WNK1: variants seen among roughly 807,000 people sequenced by gnomAD.
WNK1 encodes WNK lysine deficient protein kinase 1.
Under a neutral mutation model 222.8 loss-of-function variants are expected in WNK1, and 38 were observed. That is an observed-to-expected ratio of 0.17 (90% confidence interval 0.13 to 0.22). WNK1 has a LOEUF of 0.22. Among genes scored for constraint, WNK1 ranks in the 10% least tolerant of loss-of-function variants. WNK1 has a pLI of 1.00. For missense variants in WNK1, 2,348 were observed against 2,918.4 expected (o/e 0.80, Z 4.50); for synonymous variants, 1,090 against 1,092.9 (o/e 1.00, Z 0.05).
chr12:771,427 T>A (rs1414918146), intron 1 of WNK1, among the ~76,000 whole-genome samples: 1 of 152,198 alleles, frequency 6.6e-6, no homozygotes, highest in Non-Finnish European at 1.5e-5. Context: ...CTCTTGCTTA[T>A]GAAAGATAAA....
At chr12:761,669 A>G (rs1309315422) in intron 1 of WNK1, among the ~76,000 whole-genome samples, 1 of 147,866 alleles carries the variant, frequency 6.8e-6, no homozygotes, top group African/African-American at 2.4e-5. Flanking sequence ...CTGTTACTAG[A>G]TAGAGATTAA....
At position 911,343 on chromosome 12, in the gene WNK1, T is replaced by TAA. The variant is rs1555166395; in HGVS notation, c.*2552_*2553dup. ...CAGCCGTTAATTGTACATTTTGCACTAACTCTGGGTGTTGCGCTTCTTGTA... is the reference window on the plus strand; with the variant it reads ...CAGCCGTTAATTGTACATTTTGCACTAAAACTCTGGGTGTTGCGCTTCTTGTA... On this transcript the variant is annotated 3_prime_UTR_variant, in exon 28 of 28. Transcript: ENST00000315939. 2.5e-5 allele frequency: 10 copies of TAA among 398,656 alleles called. No homozygotes were observed. The highest frequency in any genetic ancestry group is 4.4e-5 in the Admixed American group (1 of 22,742). The allele number at this position is 398,656 out of a possible 1,614,324, so 24.7% of individuals were successfully genotyped here. A position where few individuals can be genotyped will look rare whatever the true frequency, so the allele number is the denominator to read the frequency against.
Position 910,836 on chromosome 12 carries a change from A to C in WNK1, c.*2044A>C, listed in dbSNP as rs1467321062. On this transcript the variant is annotated 3_prime_UTR_variant, in exon 28 of 28. Transcript: ENST00000315939. The stretch of plus-strand genomic sequence containing the variant: ...TGCAAATGAGAGCTGAAGGTTTTTA[A>C]AAGGTAGAAAGGAAAAGGGCAAGGG... The C allele has an allele frequency of 1.3e-5, 2 of 152,748 alleles. No individual in the cohort carries two copies. The highest frequency in any genetic ancestry group is 1.5e-5 in the Non-Finnish European group (1 of 68,450). 9.5% of individuals were successfully genotyped at this position (152,748 alleles called of 1,614,324 possible). A position where few individuals can be genotyped will look rare whatever the true frequency, so the allele number is the denominator to read the frequency against.
Position 880,784 on chromosome 12 carries a change from G to A in WNK1, c.2896G>A (p.Val966Met), listed in dbSNP as rs886042915. The A allele has an allele frequency of 3.7e-6, 6 of 1,613,878 alleles. No homozygotes were observed. Among genetic ancestry groups the A allele is most frequent in the South Asian group, 2.2e-5 (2 of 91,052 alleles). The change falls in exon 12 of 28, where the codon GTG becomes ATG. Residue 966 changes from valine to methionine, a missense_variant. By Grantham distance (21) the Val-to-Met change is conservative. This residue lies in a region of WNK1 where 547 missense variants were observed against 558.3 expected (regional missense o/e 0.98). Coordinates refer to ENST00000315939, the MANE Select transcript of WNK1 (RefSeq NM_018979.4). The part of the protein sequence containing the change: ...GDSNIAPSSN[V>M]ASVCIHSTVL... ...TTCAAATATTGCTCCCTCTTCCAACGTGGCTTCTGTTTGCATCCATTCTAC... is the reference window on the plus strand; with the variant it reads ...TTCAAATATTGCTCCCTCTTCCAACATGGCTTCTGTTTGCATCCATTCTAC...
At chr12:904,865 C>T (rs1347933718) in intron 26 of WNK1, among the ~76,000 whole-genome samples, 1 of 152,198 alleles carries the variant, frequency 6.6e-6, no homozygotes, top group East Asian at 1.9e-4. Flanking sequence ...TGCCCTCCCA[C>T]GTTCACACTG....
chr12:828,189 CCAGCTACT>C (rs1222035530), intron 3 of WNK1, among the ~76,000 whole-genome samples: 1 of 151,588 alleles, frequency 6.6e-6, no homozygotes, highest in East Asian at 1.9e-4. Flanking sequence ...GCCTGTAGTC[CCAGCTACT>C]CAGGAGGCTG....
At chr12:759,608 C>T (rs1285528604) in intron 1 of WNK1, among the ~76,000 whole-genome samples, 1 of 148,144 alleles carries the variant, frequency 6.8e-6, no homozygotes, top group Non-Finnish European at 1.5e-5. Flanking sequence ...GGATTACAGG[C>T]TTGAGCCACC....
intron 4 of WNK1, among the ~76,000 whole-genome samples, chr12:834,346 T>G (rs371980274): frequency 6.6e-6 from 1 of 152,194 alleles, no homozygotes; most frequent in East Asian, 1.9e-4. Flanking sequence ...ACTGCTGATA[T>G]GTGTTTTTAC....
At chr12:882,142 C>T in intron 14 of WNK1, 69 bp downstream of exon 14, 2 of 1,478,058 alleles carry the variant, frequency 1.4e-6, no homozygotes, top group Non-Finnish European at 1.8e-6. Flanking sequence ...TTTTAGAGGT[C>T]ATCAAATCCA....
intron 1 of WNK1, among the ~76,000 whole-genome samples, chr12:808,833 G>T (rs1412093632): frequency 1.4e-5 from 2 of 146,658 alleles, no homozygotes; most frequent in African/African-American, 5.1e-5. Context: ...GCGAGATCTC[G>T]ACTCACTGCA....
intron 1 of WNK1, among the ~76,000 whole-genome samples, chr12:757,670 A>G (rs951620754): frequency 3.3e-5 from 4 of 120,206 alleles, no homozygotes; most frequent in African/African-American, 1.0e-4. Context: ...GTTGGGCTCT[A>G]TCTGCAGAGT....
chr12:846,272 C>T (rs1455107847), intron 4 of WNK1, among the ~76,000 whole-genome samples: 1 of 152,046 alleles, frequency 6.6e-6, no homozygotes, highest in Non-Finnish European at 1.5e-5. Flanking sequence ...TAGTCTTGAC[C>T]CAGTTGTCAT....
chr12:894,090 C>T (rs958875127), intron 22 of WNK1, among the ~76,000 whole-genome samples: 12 of 151,908 alleles, frequency 7.9e-5, no homozygotes, highest in African/African-American at 2.4e-4. Flanking sequence ...TGGTGGCACA[C>T]GCCTGTAATC....
chr12:826,962 A>G, intron 2 of WNK1, 80 bp from the exon 3 acceptor site: 3 of 1,121,724 alleles, frequency 2.7e-6, no homozygotes, highest in Non-Finnish European at 4.0e-6. Flanking sequence ...ATCTCCAGTC[A>G]TGTTAGAATT....
intron 24 of WNK1, among the ~76,000 whole-genome samples, chr12:896,987 A>T (rs1954806485): frequency 6.6e-6 from 1 of 151,298 alleles, no homozygotes; most frequent in Non-Finnish European, 1.5e-5. Context: ...TCTTGCACTC[A>T]TACAGACCCA....
chr12:809,975 G>A (rs961065361), intron 1 of WNK1, among the ~76,000 whole-genome samples: 10 of 152,162 alleles, frequency 6.6e-5, no homozygotes, highest in African/African-American at 2.4e-4. Flanking sequence ...ATAGAGGCCG[G>A]GCACGGTGGC....
rs1443104434 is a variant in WNK1, at chr12:881,806, T to A, written c.3209+17T>A. 1 of 1,614,038 alleles carries A rather than the reference T, an allele frequency of 6.2e-7. No individual in the cohort carries two copies. The highest frequency in any genetic ancestry group is 1.1e-5 in the South Asian group (1 of 91,076). On this transcript the variant is annotated intron_variant, in intron 13 of 27. Transcript: ENST00000315939. ...TGTAGACAGGTACGTAAAACTAGAA[T>A]TCTCCTTCCTTGACTGGTAAATAAG...
At chr12:797,376 G>C (rs757629475) in intron 1 of WNK1, among the ~76,000 whole-genome samples, 2 of 152,140 alleles carry the variant, frequency 1.3e-5, no homozygotes, top group Non-Finnish European at 2.9e-5. Flanking sequence ...CATCAGATTA[G>C]TGGTTTTGAA....
chr12:794,246 A>G (rs1945103280), intron 1 of WNK1, among the ~76,000 whole-genome samples: 1 of 152,178 alleles, frequency 6.6e-6, no homozygotes, highest in Non-Finnish European at 1.5e-5. Flanking sequence ...ATATTAACAT[A>G]TACTTGAATT....
Sources: allele counts gnomAD v4.1 joint callset (sites outside exome capture counted in the v4.1 genomes callset), GRCh38; gene constraint gnomAD v4.1.1; regional missense constraint gnomAD v4.1.1; transcripts MANE v1.5; gene names NCBI Gene and HGNC (gene_info 2026-07-23, HGNC 2026-07-21).